ZNF804B: variants seen among roughly 807,000 people sequenced by gnomAD.
ZNF804B encodes zinc finger protein 804B, also known as zinc finger 804B.
A neutral mutation model predicts 101.4 loss-of-function variants in ZNF804B; 80 were observed. That is an observed-to-expected ratio of 0.79 (90% CI 0.66 to 0.95). The LOEUF is 0.95. Ranked by LOEUF, ZNF804B falls within the 40% of genes least tolerant of loss-of-function variation. ZNF804B has a pLI of 0.00. For missense variants in ZNF804B, 1,673 were observed against 1,561.9 expected, an observed-to-expected ratio of 1.07 and a Z score of -1.20; for synonymous variants, 622 against 558.8, an observed-to-expected ratio of 1.11 and a Z score of -1.59.
chr7:88,874,029 G>A (rs1791883593), intron 1 of ZNF804B, among the ~76,000 whole-genome samples: 2 of 152,126 alleles, frequency 1.3e-5, no homozygotes, highest in South Asian at 4.1e-4. Context: ...AGTTTGATGG[G>A]GATGGCATTG....
chr7:88,900,451 T>C (rs1584005628), intron 1 of ZNF804B, among the ~76,000 whole-genome samples: 1 of 151,462 alleles, frequency 6.6e-6, no homozygotes, highest in South Asian at 2.1e-4. Flanking sequence ...AGAAATAGTT[T>C]GAGATTAAAG....
rs147853315 is a variant in ZNF804B at position 89,206,084 on chromosome 7, G to A, written c.109-12071G>A. On this transcript the variant is annotated intron_variant, in intron 1 of 3. Transcript: ENST00000333190. ...ACCCTCTAAAGCCATGACCTGAGCTGTACTTTGTCCACTTTTAGCCATGGC... is the reference window on the plus strand; with the variant it reads ...ACCCTCTAAAGCCATGACCTGAGCTATACTTTGTCCACTTTTAGCCATGGC... 3.8e-3 allele frequency among the ~76,000 whole-genome samples: 578 copies of A among 152,342 alleles called. 3 individuals carry two copies. Among genetic ancestry groups the A allele is most frequent in the African/African-American group, 0.013 (555 of 41,576 alleles).
At chr7:88,816,872 G>A (rs1253415839) in intron 1 of ZNF804B, among the ~76,000 whole-genome samples, 1 of 147,368 alleles carries the variant, frequency 6.8e-6, no homozygotes, top group Non-Finnish European at 1.5e-5. Context: ...ACCCAGCAAT[G>A]CCATTACTGG....
chr7:89,005,171 T>C (rs1043919468), intron 1 of ZNF804B, among the ~76,000 whole-genome samples: 5 of 152,024 alleles, frequency 3.3e-5, no homozygotes, highest in Admixed American at 6.6e-5. Flanking sequence ...ATTTATTCTT[T>C]CAGAGACTGT....
intron 1 of ZNF804B, among the ~76,000 whole-genome samples, chr7:89,176,399 C>G (rs923523116): frequency 2.6e-5 from 4 of 151,912 alleles, no homozygotes; most frequent in African/African-American, 9.7e-5. Flanking sequence ...AGCACATTGA[C>G]TGACTTGCAT....
At chr7:89,209,463 A>G (rs1022592137) in intron 1 of ZNF804B, among the ~76,000 whole-genome samples, 1 of 152,226 alleles carries the variant, frequency 6.6e-6, no homozygotes, top group Non-Finnish European at 1.5e-5. Flanking sequence ...TGATTATGGT[A>G]AAATGGGAAC....
intron 2 of ZNF804B, among the ~76,000 whole-genome samples, chr7:89,290,050 G>A (rs2080821246): frequency 6.6e-6 from 1 of 152,144 alleles, no homozygotes; most frequent in South Asian, 2.1e-4. Context: ...CACCGGTCAG[G>A]ATTGTGAGGC....
chr7:89,287,250 C>T (rs545758828), intron 2 of ZNF804B, among the ~76,000 whole-genome samples: 6 of 152,100 alleles, frequency 3.9e-5, no homozygotes, highest in Non-Finnish European at 7.4e-5. Context: ...AAGTTATACT[C>T]AGCATGGGGT....
chr7:88,793,633 T>C (rs1376685155), intron 1 of ZNF804B, among the ~76,000 whole-genome samples: 1 of 152,150 alleles, frequency 6.6e-6, no homozygotes, highest in Admixed American at 6.6e-5. Flanking sequence ...ACAGTGATTA[T>C]TCCTTTACTT....
intron 1 of ZNF804B, among the ~76,000 whole-genome samples, chr7:88,817,219 T>A (rs1790895104): frequency 6.6e-6 from 1 of 151,208 alleles, no homozygotes; most frequent in Non-Finnish European, 1.5e-5. Context: ...CATCACACAG[T>A]GGGGCCTGTT....
intron 2 of ZNF804B, among the ~76,000 whole-genome samples, chr7:89,252,402 G>A (rs569030498): frequency 7.2e-5 from 11 of 152,098 alleles, no homozygotes; most frequent in Non-Finnish European, 7.4e-5. Flanking sequence ...TGCTTGAGAG[G>A]CTGTGGAAAA....
intron 1 of ZNF804B, among the ~76,000 whole-genome samples, chr7:89,043,783 C>T (rs1339793838): frequency 5.3e-5 from 8 of 152,174 alleles, no homozygotes; most frequent in African/African-American, 1.4e-4. Flanking sequence ...ACACAAGACT[C>T]TTAAGAACAG....
chr7:89,026,540 A>T (rs957833050), intron 1 of ZNF804B, among the ~76,000 whole-genome samples: 1 of 152,128 alleles, frequency 6.6e-6, no homozygotes, highest in African/African-American at 2.4e-5. Context: ...CTATTCCAAA[A>T]ATTTGGTTAT....
chr7:88,835,728 G>A (rs950305129), intron 1 of ZNF804B, among the ~76,000 whole-genome samples: 1 of 151,700 alleles, frequency 6.6e-6, no homozygotes, highest in Non-Finnish European at 1.5e-5. Context: ...GTGTGTACAG[G>A]TATTCTATAT....
chr7:88,873,279 T>C (rs887079995), intron 1 of ZNF804B, among the ~76,000 whole-genome samples: 1 of 152,238 alleles, frequency 6.6e-6, no homozygotes, highest in East Asian at 1.9e-4. Flanking sequence ...TTTTGAGAAG[T>C]GTCTGTTCAT....
intron 1 of ZNF804B, among the ~76,000 whole-genome samples, chr7:89,048,235 C>G (rs1030286452): frequency 1.4e-5 from 2 of 146,914 alleles, no homozygotes; most frequent in Non-Finnish European, 3.0e-5. Context: ...CAATGGAATA[C>G]TACTCAGCTG....
intron 1 of ZNF804B, among the ~76,000 whole-genome samples, chr7:89,060,280 T>G (rs1789359578): frequency 6.6e-6 from 1 of 152,170 alleles, no homozygotes; most frequent in Admixed American, 6.5e-5. Flanking sequence ...GATTTGGTAC[T>G]GGGAAAGCTG....
chr7:89,046,122 C>CT (rs1789101419), intron 1 of ZNF804B, among the ~76,000 whole-genome samples: 1 of 151,854 alleles, frequency 6.6e-6, no homozygotes, highest in South Asian at 2.1e-4. Context: ...GGGCTTTTTC[C>CT]TTTTTGCTTG....
chr7:88,950,372 G>A (rs1305295879), intron 1 of ZNF804B, among the ~76,000 whole-genome samples: 1 of 151,834 alleles, frequency 6.6e-6, no homozygotes, highest in Non-Finnish European at 1.5e-5. Context: ...GATTCAATAA[G>A]AAAGCTAACT....
Sources: gnomAD v4.1 joint callset for allele counts (sites outside exome capture counted in the v4.1 genomes callset) on GRCh38, gnomAD v4.1.1 for gene constraint, MANE v1.5 for transcripts, NCBI Gene and HGNC (gene_info 2026-07-23, HGNC 2026-07-21) for gene names.